FBXO34: variants seen among roughly 807,000 people sequenced by gnomAD.
FBXO34 encodes F-box protein 34, also known as F-box only protein 34.
In FBXO34, 12 loss-of-function variants were observed where a neutral mutation model predicts 24.5. That is an observed-to-expected ratio of 0.49 (90% CI 0.31 to 0.79). The LOEUF (loss-of-function observed/expected upper bound fraction) is 0.79. FBXO34 is among the 30% of genes least tolerant of loss of function. The pLI is 0.04. For missense variants in FBXO34, 823 were observed against 857.7 expected (o/e 0.96, Z 0.51); for synonymous variants, 320 against 311.9 (o/e 1.03, Z -0.27).
the FBXO34 span, chr14:55,436,426 T>C: frequency 1.2e-6 from 1 of 846,886 alleles, no homozygotes; most frequent in Admixed American, 2.8e-5. Context: ...ACAATCCATT[T>C]AGAACTGATA....
intron 1 of FBXO34, among the ~76,000 whole-genome samples, chr14:55,291,788 T>C (rs147755927): frequency 1.3e-5 from 2 of 151,696 alleles, no homozygotes; most frequent in African/African-American, 2.4e-5. Context: ...CTAGGCAACA[T>C]AGGGAGACCC....
chr14:55,299,670 T>C (rs1882279269), intron 1 of FBXO34, among the ~76,000 whole-genome samples: 1 of 152,196 alleles, frequency 6.6e-6, no homozygotes, highest in Non-Finnish European at 1.5e-5. Flanking sequence ...CTTTTGATTA[T>C]CTAAAATATT....
chr14:55,334,860 C>T (rs796857945), intron 1 of FBXO34, among the ~76,000 whole-genome samples: 5 of 152,164 alleles, frequency 3.3e-5, no homozygotes, highest in South Asian at 2.1e-4. Flanking sequence ...ACCACTGCTG[C>T]GCTGAGTTTT....
chr14:55,355,407 C>G (rs1277965522), downstream of FBXO34, among the ~76,000 whole-genome samples: 1 of 152,182 alleles, frequency 6.6e-6, no homozygotes, highest in African/African-American at 2.4e-5. Flanking sequence ...CATCTGCCAC[C>G]ACATGCCCCT....
the FBXO34 span, among the ~76,000 whole-genome samples, chr14:55,391,838 T>A: frequency 6.6e-6 from 1 of 152,178 alleles, no homozygotes; most frequent in Non-Finnish European, 1.5e-5. Context: ...TCTCACCCAA[T>A]AAGCAACTAG....
the FBXO34 span, among the ~76,000 whole-genome samples, chr14:55,419,586 A>G: frequency 6.6e-6 from 1 of 152,348 alleles, no homozygotes; most frequent in South Asian, 2.1e-4. Context: ...CAGGACCATG[A>G]CAGTAGAACA....
chr14:55,288,167 T>C (rs974926360), intron 1 of FBXO34, among the ~76,000 whole-genome samples: 1 of 152,238 alleles, frequency 6.6e-6, no homozygotes, highest in East Asian at 1.9e-4. Context: ...TATGGATCAA[T>C]AATTTATGCT....
the FBXO34 span, among the ~76,000 whole-genome samples, chr14:55,393,225 C>T: frequency 0.057 from 8,532 of 150,676 alleles, 385 homozygotes; most frequent in Non-Finnish European, 0.074. Flanking sequence ...ACTAAAAAAA[C>T]ACAAAAAAAC....
chr14:55,384,429 C>T, the FBXO34 span, among the ~76,000 whole-genome samples: 1 of 152,210 alleles, frequency 6.6e-6, no homozygotes, highest in African/African-American at 2.4e-5. Flanking sequence ...ATTTACAGAC[C>T]TTATTCACCT....
chr14:55,424,820 A>G, the FBXO34 span, among the ~76,000 whole-genome samples: 2 of 152,164 alleles, frequency 1.3e-5, no homozygotes, highest in Admixed American at 6.5e-5. Context: ...TTACTACTAA[A>G]TATAAGCTGG....
chr14:55,402,791 G>A, the FBXO34 span, among the ~76,000 whole-genome samples: 1 of 144,220 alleles, frequency 6.9e-6, no homozygotes, highest in Non-Finnish European at 1.5e-5. Flanking sequence ...CAGGTGTGGT[G>A]GCTCACACCT....
chr14:55,369,692 C>T, downstream of FBXO34: 2 of 1,603,166 alleles, frequency 1.2e-6, no homozygotes, highest in South Asian at 2.2e-5. Flanking sequence ...CCCACCTGCA[C>T]TGCTGCTCGC....
At chr14:55,380,664 T>C in the FBXO34 span, 6 of 1,611,102 alleles carry the variant, frequency 3.7e-6, no homozygotes, top group Middle Eastern at 1.7e-4. Context: ...GCACTGATGG[T>C]GTAGGCAGGG....
Position 55,351,378 on chromosome 14 carries a change from A to G in FBXO34, c.988A>G (p.Lys330Glu), listed in dbSNP as rs750513250. ...TCAGGCTGATGAAGGCAAAACAAAG[A>G]AAGGCGTCTTGGAGGCACCTGACAC... ...STQADEGKTKKGVLEAPDTQV... is the reference protein window; with the variant it reads ...STQADEGKTKEGVLEAPDTQV... Residue 330 changes from lysine (K) to glutamate (E), a missense_variant, in exon 2 of 2, where the codon AAA becomes GAA. Physicochemically the swap from Lys to Glu is moderately conservative, Grantham distance 56. This residue lies in a region of FBXO34 where 693 missense variants were observed against 659.1 expected (regional missense o/e 1.05). Transcript: ENST00000313833. 3.7e-6 allele frequency: 6 copies of G among 1,614,188 alleles called. No homozygotes were observed. In the Admixed American group the frequency reaches 1.0e-4, roughly 27 times the overall value.
the FBXO34 span, among the ~76,000 whole-genome samples, chr14:55,398,309 TG>T: frequency 1.3e-5 from 2 of 152,162 alleles, no homozygotes; most frequent in Admixed American, 1.3e-4. Flanking sequence ...CCAACTTACT[TG>T]GGTTTTTTGT....
downstream of FBXO34, among the ~76,000 whole-genome samples, chr14:55,373,804 CAAA>C (rs71705938): frequency 3.5e-4 from 48 of 135,248 alleles, no homozygotes; most frequent in South Asian, 9.6e-4. Flanking sequence ...AAATTTGTTT[CAAA>C]AAAAAAAAAA....
intron 1 of FBXO34, among the ~76,000 whole-genome samples, chr14:55,313,128 A>C (rs1011235374): frequency 6.6e-6 from 1 of 152,098 alleles, no homozygotes; most frequent in Non-Finnish European, 1.5e-5. Flanking sequence ...GTCACCTCCT[A>C]AGCTTTGCGG....
At chr14:55,428,328 A>T in the FBXO34 span, among the ~76,000 whole-genome samples, 1 of 151,384 alleles carries the variant, frequency 6.6e-6, no homozygotes, top group Non-Finnish European at 1.5e-5. Context: ...ACAGGGTTTC[A>T]CCGTGTTAGC....
the FBXO34 span, among the ~76,000 whole-genome samples, chr14:55,385,644 T>C: frequency 6.6e-6 from 1 of 152,196 alleles, no homozygotes; most frequent in Non-Finnish European, 1.5e-5. Flanking sequence ...CTAGAAGCTC[T>C]AGGACAGTAC....
Sources: gnomAD v4.1 joint callset for allele counts (sites outside exome capture counted in the v4.1 genomes callset) on GRCh38, gnomAD v4.1.1 for gene constraint, gnomAD v4.1.1 regional missense constraint, MANE v1.5 for transcripts, NCBI Gene and HGNC (gene_info 2026-07-23, HGNC 2026-07-21) for gene names.